DEUP1: variants seen among roughly 807,000 people sequenced by gnomAD.
The protein encoded by DEUP1 is deuterosome assembly protein 1.
In DEUP1, 82 loss-of-function variants were observed where a neutral mutation model predicts 87.4. That is an observed-to-expected ratio of 0.94 (90% CI 0.78 to 1.13). The LOEUF is 1.13. DEUP1 is among the 50% of genes most tolerant of loss of function. The probability of loss-of-function intolerance (pLI) is 0.00; values close to 1 mark genes in which losing one functional copy is unlikely to be tolerated. For synonymous variants in DEUP1, 214 were observed against 222.7 expected, an observed-to-expected ratio of 0.96 and a Z score of 0.35; for missense variants, 663 against 681.5, an observed-to-expected ratio of 0.97 and a Z score of 0.30.
chr11:93,343,597 G>T (rs1944184578), intron 2 of DEUP1, among the ~76,000 whole-genome samples: 1 of 152,154 alleles, frequency 6.6e-6, no homozygotes, highest in Admixed American at 6.5e-5. Flanking sequence ...TGTGGACCAA[G>T]GGGTTACTTA....
At chr11:93,337,743 G>C (rs1446234896) in intron 2 of DEUP1, among the ~76,000 whole-genome samples, 1 of 152,162 alleles carries the variant, frequency 6.6e-6, no homozygotes, top group African/African-American at 2.4e-5. Flanking sequence ...TTAGGAAGGA[G>C]AGAGAGGGAG....
chr11:93,333,523 A>G (rs900212185), intron 2 of DEUP1, among the ~76,000 whole-genome samples: 2 of 152,232 alleles, frequency 1.3e-5, no homozygotes, highest in Non-Finnish European at 2.9e-5. Context: ...ACTTTATCCC[A>G]GAGTTACAAC....
Position 93,437,537 on chromosome 11 carries a change from C to T in DEUP1, c.1639-6C>T, listed in dbSNP as rs1475695863. On this transcript the variant is annotated splice_polypyrimidine_tract_variant and splice_region_variant and intron_variant, in intron 13 of 13. Coordinates refer to ENST00000298050, the MANE Select transcript of DEUP1 (RefSeq NM_181645.4). ...CTCACTCACTTTTCTTTCTTTCTCTCTTTAGTCTCCCCCAGATATGTCCTT... is the reference window on the plus strand; with the variant it reads ...CTCACTCACTTTTCTTTCTTTCTCTTTTTAGTCTCCCCCAGATATGTCCTT... 1 of 1,599,574 alleles carries T rather than the reference C, an allele frequency of 6.3e-7. No homozygotes were observed. The highest frequency in any genetic ancestry group is 2.2e-5 in the East Asian group (1 of 44,794).
Position 93,371,138 on chromosome 11 carries a change from A to G in DEUP1, c.647A>G (p.Asn216Ser), listed in dbSNP as rs746921429. Reference sequence around the variant, plus strand: ...CGTTTGATATGTGACCCAGATCCCAATTGTGAAATCAATGAAAGAGATGAG... The same window carrying G: ...CGTTTGATATGTGACCCAGATCCCAGTTGTGAAATCAATGAAAGAGATGAG... The part of the protein sequence containing the change: ...IPRLICDPDP[N>S]CEINERDEFI... Residue 216 changes from asparagine to serine, a missense_variant, in exon 7 of 14, where the codon AAT becomes AGT. Asn to Ser is a conservative substitution (Grantham distance 46). Transcript: ENST00000298050. 3.1e-6 allele frequency: 5 copies of G among 1,613,176 alleles called. No individual in the cohort carries two copies. The highest frequency in any genetic ancestry group is 1.3e-5 in the African/African-American group (1 of 74,918).
At chr11:93,409,238 A>G (rs1162714605) in intron 12 of DEUP1, among the ~76,000 whole-genome samples, 1 of 152,188 alleles carries the variant, frequency 6.6e-6, no homozygotes, top group Non-Finnish European at 1.5e-5. Flanking sequence ...ATGGATGTAT[A>G]AGAGGTTTTC....
At chr11:93,413,718 G>A (rs1947517582) in intron 12 of DEUP1, among the ~76,000 whole-genome samples, 1 of 152,026 alleles carries the variant, frequency 6.6e-6, no homozygotes, top group African/African-American at 2.4e-5. Context: ...CAATGTTATT[G>A]TTTTCAGTCT....
At chr11:93,386,940 C>G (rs974860341) in intron 8 of DEUP1, among the ~76,000 whole-genome samples, 1 of 152,174 alleles carries the variant, frequency 6.6e-6, no homozygotes, top group Non-Finnish European at 1.5e-5. Flanking sequence ...TTATGGTGCT[C>G]TTAAGACCCA....
intron 4 of DEUP1, among the ~76,000 whole-genome samples, chr11:93,359,862 G>C (rs970584962): frequency 6.6e-6 from 1 of 152,146 alleles, no homozygotes; most frequent in Non-Finnish European, 1.5e-5. Context: ...AAGGTAACCC[G>C]GGCCCTCTTT....
rs1221781263 is a variant in DEUP1, at chr11:93,385,418, A to G, written c.810A>G (p.Ser270=). Residue 270 remains serine (S), a synonymous_variant, in exon 8 of 14, where the codon TCA becomes TCG. Coordinates refer to ENST00000298050, the MANE Select transcript of DEUP1 (RefSeq NM_181645.4). ...RQCQAMEAGL[S]EVKSELQSRD... is the part of the protein sequence containing the mutation. ...TTCAGGCCATGGAAGCAGGTCTCTCAGAGGTAAAAAGTGAGTTACAGTCAC... is the reference window on the plus strand; with the variant it reads ...TTCAGGCCATGGAAGCAGGTCTCTCGGAGGTAAAAAGTGAGTTACAGTCAC... 1.2e-6 allele frequency: 2 copies of G among 1,613,124 alleles called. No homozygotes were observed. The highest frequency in any genetic ancestry group is 1.1e-5 in the South Asian group (1 of 90,766).
intron 11 of DEUP1, among the ~76,000 whole-genome samples, chr11:93,404,397 A>G (rs1232770169): frequency 1.3e-5 from 2 of 152,018 alleles, no homozygotes; most frequent in Admixed American, 6.6e-5. Flanking sequence ...AGAACTCAGA[A>G]TCTGTGGTAA....
chr11:93,388,576 T>A (rs1197894552), intron 8 of DEUP1, among the ~76,000 whole-genome samples: 1 of 152,080 alleles, frequency 6.6e-6, no homozygotes, highest in Non-Finnish European at 1.5e-5. Flanking sequence ...ACTGTCAGAG[T>A]TAATGATGTT....
intron 3 of DEUP1, among the ~76,000 whole-genome samples, 200 bp from the exon 4 acceptor site, chr11:93,356,748 T>G (rs190215706): frequency 6.6e-6 from 1 of 152,320 alleles, no homozygotes; most frequent in East Asian, 1.9e-4. Context: ...TGTCCTAATG[T>G]GTACCTTGTG....
At chr11:93,373,627 A>ATATATATATATATGTG (rs1565316350) in intron 7 of DEUP1, among the ~76,000 whole-genome samples, 15 of 119,898 alleles carry the variant, frequency 1.3e-4, no homozygotes, top group African/African-American at 4.9e-4. Flanking sequence ...ATATATACGT[A>ATATATATATATATGTG]TATATATATA....
chr11:93,385,161 A>G (rs1214303396), intron 7 of DEUP1, among the ~76,000 whole-genome samples: 4 of 152,140 alleles, frequency 2.6e-5, no homozygotes, highest in Non-Finnish European at 5.9e-5. Flanking sequence ...GGCAGTCGCA[A>G]TGAGCCAAGA....
intron 1 of DEUP1, among the ~76,000 whole-genome samples, chr11:93,331,366 C>CTTT (rs35351033): frequency 1.4e-4 from 21 of 145,166 alleles, no homozygotes; most frequent in African/African-American, 5.3e-4. Context: ...CTGAGAAAAA[C>CTTT]TTTTTTTTTT....
At chr11:93,381,306 A>T (rs1946293534) in intron 7 of DEUP1, among the ~76,000 whole-genome samples, 1 of 152,202 alleles carries the variant, frequency 6.6e-6, no homozygotes, top group Non-Finnish European at 1.5e-5. Context: ...TACTATAACC[A>T]ATATATGTAT....
At chr11:93,353,406 C>T (rs945616381) in intron 2 of DEUP1, among the ~76,000 whole-genome samples, 47 of 152,284 alleles carry the variant, frequency 3.1e-4, no homozygotes, top group African/African-American at 1.1e-3. Context: ...GTGTCTGTGG[C>T]TTTTTCAGGT....
At chr11:93,334,593 T>C (rs1943654805) in intron 2 of DEUP1, among the ~76,000 whole-genome samples, 1 of 136,422 alleles carries the variant, frequency 7.3e-6, no homozygotes, top group Non-Finnish European at 1.7e-5. Flanking sequence ...AGAGATTATA[T>C]CTGGGGAAAA....
At chr11:93,401,044 A>G (rs1055176913) in intron 11 of DEUP1, among the ~76,000 whole-genome samples, 2 of 152,144 alleles carry the variant, frequency 1.3e-5, no homozygotes, top group African/African-American at 4.8e-5. Flanking sequence ...ATGCTTAGAA[A>G]ACCCTAAAGA....
Sources: allele counts gnomAD v4.1 joint callset (sites outside exome capture counted in the v4.1 genomes callset), GRCh38; gene constraint gnomAD v4.1.1; transcripts MANE v1.5; gene names NCBI Gene and HGNC (gene_info 2026-07-23, HGNC 2026-07-21).